GTSE1: variants seen among roughly 807,000 people sequenced by gnomAD.
GTSE1 encodes the protein G2 and S-phase expressed 1.
GTSE1 carries 52 observed loss-of-function variants against 60.5 expected under a neutral mutation model. That is an observed-to-expected ratio of 0.86 (90% confidence interval 0.69 to 1.08). The LOEUF is 1.08. GTSE1 is among the 50% of genes least tolerant of loss of function. The pLI is 0.00. For synonymous variants in GTSE1, 368 were observed against 386.5 expected, an observed-to-expected ratio of 0.95 and a Z score of 0.56; for missense variants, 937 against 961.8, an observed-to-expected ratio of 0.97 and a Z score of 0.34.
rs981600985 is a variant in GTSE1 at position 46,318,531 on chromosome 22, G to C, written c.1432+2119G>C. Among the ~76,000 whole-genome samples, 2 of 152,200 alleles carry C rather than the reference G, an allele frequency of 1.3e-5. No individual in the cohort carries two copies. The highest frequency in any genetic ancestry group is 4.8e-5 in the African/African-American group (2 of 41,442). On this transcript the variant is annotated intron_variant, in intron 7 of 11. Transcript: ENST00000454366. This position sits in a 1 kb window ranked among gnomAD's most constrained non-coding sequence, Gnocchi z 4.8. ...CACAACAAAGGGACTAAGGGAAGAT[G>C]GTGTCCTGGAGCTGGCATGTTTGGG...
At chr22:46,327,996 T>C (rs560517604) in intron 9 of GTSE1, among the ~76,000 whole-genome samples, 32 of 152,376 alleles carry the variant, frequency 2.1e-4, no homozygotes, top group African/African-American at 6.5e-4. Flanking sequence ...AGTGTAAATG[T>C]AGAAACAAAA....
In GTSE1 at chr22:46,330,318, C is replaced by CA; in HGVS notation, c.*194dup. 1 of 529,008 alleles carries CA rather than the reference C, an allele frequency of 1.9e-6. No individual in the cohort carries two copies. Among genetic ancestry groups the CA allele is most frequent in the Non-Finnish European group, 3.4e-6 (1 of 291,906 alleles). The allele number at this position is 529,008 out of a possible 1,614,324, so 32.8% of individuals were successfully genotyped here. ...AAATATAGTGAAACTCCTGTCCCTA[C>CA]AAAAAATACAAAAATTAGCCGGGTG... On this transcript the variant is annotated 3_prime_UTR_variant, in exon 12 of 12. Transcript: ENST00000454366. This position sits in a 1 kb window ranked among gnomAD's most constrained non-coding sequence, Gnocchi z 6.0.
chr22:46,308,351 C>T lies in GTSE1; in HGVS notation c.170C>T (p.Pro57Leu), dbSNP rs773088142. Residue 57 changes from proline to leucine, a missense_variant, in exon 4 of 12, where the codon CCC becomes CTC. Transcript: ENST00000454366. Reference protein sequence around the residue: ...ANEDDEVFFGPFGHKERCIAA... With the variant: ...ANEDDEVFFGLFGHKERCIAA... ...GAAGATGATGAAGTCTTCTTCGGACCCTTTGGACATAAAGAAAGATGTATT... is the reference window on the plus strand; with the variant it reads ...GAAGATGATGAAGTCTTCTTCGGACTCTTTGGACATAAAGAAAGATGTATT... 3 of 1,613,890 alleles carry T rather than the reference C, an allele frequency of 1.9e-6. No homozygotes were observed. Among genetic ancestry groups the T allele is most frequent in the Non-Finnish European group, 2.5e-6 (3 of 1,179,866 alleles).
At chr22:46,305,614 A>C (rs2077711251) in intron 2 of GTSE1, among the ~76,000 whole-genome samples, 1 of 142,486 alleles carries the variant, frequency 7.0e-6, no homozygotes, top group Non-Finnish European at 1.5e-5. Flanking sequence ...ATCTCAAAAA[A>C]ATAAAAAGAA....
chr22:46,301,687 C>T (rs1210666880), intron 2 of GTSE1, among the ~76,000 whole-genome samples: 2 of 151,870 alleles, frequency 1.3e-5, no homozygotes, highest in African/African-American at 4.8e-5. Flanking sequence ...TGAGGTTTCA[C>T]CATGTTGGCC....
chr22:46,326,565 C>G lies in GTSE1; in HGVS notation c.1635C>G (p.Thr545=). The change falls in exon 9 of 12, where the codon ACC becomes ACG. Residue 545 remains threonine (T), a synonymous_variant. Transcript: ENST00000454366. ...SRRCSGLPPM[T]PKTMPRAVGS... ...GCTGCTCTGGCCTTCCACCGATGAC[C>G]CCCAAAACGATGCCCAGGGCCGTGG... 6.2e-7 allele frequency: 1 copy of G among 1,614,130 alleles called. No homozygotes were observed. Among genetic ancestry groups the G allele is most frequent in the Non-Finnish European group, 8.5e-7 (1 of 1,179,986 alleles).
At position 46,296,931 on chromosome 22, in the gene GTSE1, G is replaced by T. The variant is rs1323996496; in HGVS notation, c.-22G>T. ...GCGTCCTGCATCGTCTGCCGCTTTG[G>T]GTAAGGTGGGGTCAGGGTCGGGGGC... On this transcript the variant is annotated splice_region_variant and 5_prime_UTR_variant, in exon 1 of 12. Coordinates refer to ENST00000454366, the MANE Select transcript of GTSE1 (RefSeq NM_016426.7). The T allele has an allele frequency of 1.2e-5, 2 of 162,352 alleles. No individual in the cohort carries two copies. Among genetic ancestry groups the T allele is most frequent in the Non-Finnish European group, 2.7e-5 (2 of 74,200 alleles). The allele number at this position is 162,352 out of a possible 1,614,324, so 10.1% of individuals were successfully genotyped here.
rs2077858941 is a variant in GTSE1, at chr22:46,328,790, C to G, written c.1827C>G (p.Asn609Lys). 1 of 1,613,860 alleles carries G rather than the reference C, an allele frequency of 6.2e-7. No individual in the cohort carries two copies. Residue 609 changes from asparagine to lysine, a missense_variant, in exon 10 of 12, where the codon AAC (asparagine) becomes AAG (lysine). By Grantham distance (94) the Asn-to-Lys change is moderately conservative. Transcript: ENST00000454366. ...CTTCCCGTGTGCCTCAGGCACTTAACTTTTCTCCAGAGGAAAGCGATTCTA... is the reference window on the plus strand; with the variant it reads ...CTTCCCGTGTGCCTCAGGCACTTAAGTTTTCTCCAGAGGAAAGCGATTCTA... The part of the protein sequence containing the change: ...SPPSRVPQAL[N>K]FSPEESDSTF...
chr22:46,308,461 G>C lies in GTSE1; in HGVS notation c.280G>C (p.Ala94Pro). The C allele has an allele frequency of 6.2e-7, 1 of 1,614,168 alleles. No homozygotes were observed. Among genetic ancestry groups the C allele is most frequent in the Non-Finnish European group, 8.5e-7 (1 of 1,180,040 alleles). The change falls in exon 4 of 12, where the codon GCC (alanine) becomes CCC (proline). Residue 94 changes from alanine to proline, a missense_variant. Transcript: ENST00000454366. ...SESPFAWSPL[A>P]GEKFVEVYKE... ...GAGTCCCTTTGCCTGGAGCCCTCTGGCCGGGGAGAAGTTCGTGGAGGTGTA... is the reference window on the plus strand; with the variant it reads ...GAGTCCCTTTGCCTGGAGCCCTCTGCCCGGGGAGAAGTTCGTGGAGGTGTA...
Position 46,323,205 on chromosome 22 carries a change from G to T in GTSE1, c.1448G>T (p.Ser483Ile). Residue 483 changes from serine (S) to isoleucine (I), a missense_variant, in exon 8 of 12, where the codon AGC becomes ATC. Transcript: ENST00000454366. ...TTGGACTTAGGTGACTCCCCGGACA[G>T]CTCAACACCAAAGCTTTCGCGGGCA... ...PKFSIGDSPD[S>I]STPKLSRAQR... The T allele has an allele frequency of 6.2e-7, 1 of 1,613,736 alleles. No homozygotes were observed. The highest frequency in any genetic ancestry group is 1.1e-5 in the South Asian group (1 of 91,078).
intron 2 of GTSE1, among the ~76,000 whole-genome samples, chr22:46,302,522 T>C (rs12170142): frequency 0.036 from 5,516 of 152,010 alleles, 340 homozygotes; most frequent in African/African-American, 0.13. Context: ...CTACCACGCC[T>C]AGCTAATTTT....
chr22:46,312,253 C>T lies in GTSE1; in HGVS notation c.875C>T (p.Ala292Val), dbSNP rs1335023817. The change falls in exon 5 of 12, where the codon GCC becomes GTC. Residue 292 changes from alanine to valine, a missense_variant. By Grantham distance (64) the Ala-to-Val change is moderately conservative (BLOSUM62 0). Transcript: ENST00000454366. ...KPAPGAVNVP[A>V]AGSHLGQGKR... ...GCCCCGGGTGCTGTCAATGTGCCGG[C>T]CGCCGGAAGCCACTTGGGCCAGGGC... 1 of 1,613,940 alleles carries T rather than the reference C, an allele frequency of 6.2e-7. No individual in the cohort carries two copies. Among genetic ancestry groups the T allele is most frequent in the East Asian group, 2.2e-5 (1 of 44,888 alleles).
In GTSE1 at chr22:46,330,166, T is replaced by G. The variant is rs753138870; in HGVS notation, c.*36T>G. The G allele has an allele frequency of 7.5e-7, 1 of 1,328,668 alleles. No homozygotes were observed. The highest frequency in any genetic ancestry group is 1.1e-6 in the Non-Finnish European group (1 of 919,510). The allele number at this position is 1,328,668 out of a possible 1,614,324, so 82.3% of individuals were successfully genotyped here. A position where few individuals can be genotyped will look rare whatever the true frequency, so the allele number is the denominator to read the frequency against. On this transcript the variant is annotated 3_prime_UTR_variant, in exon 12 of 12. Transcript: ENST00000454366. The surrounding 1 kb of genome is among the most constrained non-coding windows in gnomAD (Gnocchi z 6.0). Reference sequence around the variant, plus strand: ...ATCCTTTGCCTTGAAAGAACAGCCCTAAAGTGGTTTTCAACCCTCAGAAAC... The same window carrying G: ...ATCCTTTGCCTTGAAAGAACAGCCCGAAAGTGGTTTTCAACCCTCAGAAAC...
chr22:46,313,166 TAAAAAAAAAA>T lies in GTSE1; in HGVS notation c.928-713_928-704del, dbSNP rs778559566. Among the ~76,000 whole-genome samples the T allele has an allele frequency of 2.4e-5, 2 of 82,208 alleles. No homozygotes were observed. Among genetic ancestry groups the T allele is most frequent in the East Asian group, 3.3e-4 (1 of 3,050 alleles). The allele number at this position is 82,208 out of a possible 152,430, so 53.9% of individuals were successfully genotyped here. A position where few individuals can be genotyped will look rare whatever the true frequency, so the allele number is the denominator to read the frequency against. ...CTGGGCAACAGAGTGAGACCCTGTC[TAAAAAAAAAA>T]AAAAAAAAAAGGAAAAGAAAGAAAA... On this transcript the variant is annotated intron_variant, in intron 5 of 11. Coordinates refer to ENST00000454366, the MANE Select transcript of GTSE1 (RefSeq NM_016426.7). The surrounding 1 kb of genome is among the most constrained non-coding windows in gnomAD (Gnocchi z 4.4).
At position 46,321,890 on chromosome 22, in the gene GTSE1, A is replaced by G. The variant is rs908257352; in HGVS notation, c.1433-1300A>G. Among the ~76,000 whole-genome samples, 6 of 152,088 alleles carry G rather than the reference A, an allele frequency of 3.9e-5. No homozygotes were observed. Among genetic ancestry groups the G allele is most frequent in the Non-Finnish European group, 7.4e-5 (5 of 68,002 alleles). On this transcript the variant is annotated intron_variant, in intron 7 of 11. Coordinates refer to ENST00000454366, the MANE Select transcript of GTSE1 (RefSeq NM_016426.7). This position sits in a 1 kb window ranked among gnomAD's most constrained non-coding sequence, Gnocchi z 4.0. ...GGAGTTCAAGACCAGCCTGGCCAAC[A>G]TGGCAAAACCCTGTCTCTACTAACA...
In GTSE1 at chr22:46,308,378, C is replaced by G; in HGVS notation, c.197C>G (p.Ala66Gly). The G allele has an allele frequency of 6.2e-7, 1 of 1,614,062 alleles. No individual in the cohort carries two copies. The highest frequency in any genetic ancestry group is 8.5e-7 in the Non-Finnish European group (1 of 1,179,890). Reference protein sequence around the residue: ...GPFGHKERCIAASLELNNPVP... With the variant: ...GPFGHKERCIGASLELNNPVP... ...TTTGGACATAAAGAAAGATGTATTGCTGCCAGCTTGGAATTAAATAATCCG... is the reference window on the plus strand; with the variant it reads ...TTTGGACATAAAGAAAGATGTATTGGTGCCAGCTTGGAATTAAATAATCCG... The change falls in exon 4 of 12, where the codon GCT becomes GGT. Residue 66 changes from alanine (A) to glycine (G), a missense_variant. Ala to Gly is a moderately conservative substitution (Grantham distance 60). Transcript: ENST00000454366.
intron 2 of GTSE1, among the ~76,000 whole-genome samples, chr22:46,302,077 A>G (rs367658401): frequency 6.6e-6 from 1 of 152,168 alleles, no homozygotes; most frequent in African/African-American, 2.4e-5. Context: ...GTGAGCCAAG[A>G]TCGCGCCATT....
Position 46,323,186 on chromosome 22 carries a change from T to C in GTSE1, c.1433-4T>C, listed in dbSNP as rs1482291146. The C allele has an allele frequency of 1.2e-6, 2 of 1,610,392 alleles. No homozygotes were observed. The highest frequency in any genetic ancestry group is 2.7e-5 in the African/African-American group (2 of 74,824). On this transcript the variant is annotated splice_region_variant and splice_polypyrimidine_tract_variant and intron_variant, in intron 7 of 11. Transcript: ENST00000454366. ...TGACCGCACACTTCCTTTCTTGGACTTAGGTGACTCCCCGGACAGCTCAAC... is the reference window on the plus strand; with the variant it reads ...TGACCGCACACTTCCTTTCTTGGACCTAGGTGACTCCCCGGACAGCTCAAC...
intron 2 of GTSE1, among the ~76,000 whole-genome samples, chr22:46,307,652 G>A (rs372780897): frequency 1.4e-3 from 208 of 152,182 alleles, no homozygotes; most frequent in African/African-American, 4.7e-3. Flanking sequence ...ACAGGTGTGC[G>A]CTACCATGCC....
Sources: allele counts gnomAD v4.1 joint callset (sites outside exome capture counted in the v4.1 genomes callset), GRCh38; gene constraint gnomAD v4.1.1; non-coding constraint Gnocchi (gnomAD v3.1); transcripts MANE v1.5; gene names NCBI Gene and HGNC (gene_info 2026-07-23, HGNC 2026-07-21).